TAF1B: variants seen among roughly 807,000 people sequenced by gnomAD.
TAF1B encodes TATA box-binding protein-associated factor RNA polymerase I subunit B.
Under a neutral mutation model 83.9 loss-of-function variants are expected in TAF1B, and 61 were observed. That is an observed-to-expected ratio of 0.73 (90% CI 0.59 to 0.90). The LOEUF is 0.90. Ranked by LOEUF, TAF1B falls within the 40% of genes least tolerant of loss-of-function variation. The pLI, the probability that TAF1B is intolerant of heterozygous loss-of-function variation, is 0.00. For missense variants in TAF1B, 625 were observed against 677.0 expected, an observed-to-expected ratio of 0.92 and a Z score of 0.85; for synonymous variants, 221 against 224.6, an observed-to-expected ratio of 0.98 and a Z score of 0.14.
intron 8 of TAF1B, among the ~76,000 whole-genome samples, chr2:9,885,021 C>T (rs886567387): frequency 2.6e-5 from 4 of 152,302 alleles, no homozygotes; most frequent in East Asian, 3.9e-4. Flanking sequence ...TCTGGCTCAG[C>T]GCTCCAAAAT....
chr2:9,929,279 C>G (rs1666139414), intron 14 of TAF1B, among the ~76,000 whole-genome samples: 1 of 152,148 alleles, frequency 6.6e-6, no homozygotes, highest in Admixed American at 6.5e-5. Context: ...CTACCTCAGC[C>G]TCCTGTGTAG....
chr2:9,873,697 C>T (rs1558243332), intron 6 of TAF1B, among the ~76,000 whole-genome samples: 1 of 147,594 alleles, frequency 6.8e-6, no homozygotes, highest in African/African-American at 2.5e-5. Flanking sequence ...CTCAGGCCAA[C>T]AACCTTATAA....
At chr2:9,917,620 T>G (rs982815511) in intron 12 of TAF1B, among the ~76,000 whole-genome samples, 3 of 152,244 alleles carry the variant, frequency 2.0e-5, no homozygotes, top group Non-Finnish European at 2.9e-5. Flanking sequence ...TAAATTCATT[T>G]CTTTGTTCAT....
intron 8 of TAF1B, among the ~76,000 whole-genome samples, chr2:9,888,795 T>G (rs1417812705): frequency 0.2 from 17,600 of 87,662 alleles, 2,550 homozygotes; most frequent in Non-Finnish European, 0.34. Flanking sequence ...GCTTGGTTTT[T>G]TTTTTTTTTT....
intron 14 of TAF1B, among the ~76,000 whole-genome samples, chr2:9,928,594 C>T (rs1303254463): frequency 6.6e-6 from 1 of 152,124 alleles, no homozygotes; most frequent in Non-Finnish European, 1.5e-5. Context: ...AAGTTGGATT[C>T]CTAGGTATTT....
intron 2 of TAF1B, among the ~76,000 whole-genome samples, chr2:9,848,327 T>C (rs944578134): frequency 1.3e-5 from 2 of 152,182 alleles, no homozygotes; most frequent in African/African-American, 4.8e-5. Flanking sequence ...AAAACAGTAA[T>C]GTCCTCTGTT....
Position 9,919,822 on chromosome 2 carries a change from T to C in TAF1B, c.1565+2T>C, listed in dbSNP as rs778205316. ...TAGTACACAGAAATTCTGCAGATGG[T>C]AATAATGCTTTTAGAAAAAGTCACA... On this transcript the variant is annotated splice_donor_variant, in intron 14 of 14. Transcript: ENST00000263663. LOFTEE classifies it high-confidence loss of function. The C allele has an allele frequency of 6.2e-7, 1 of 1,611,478 alleles. No individual in the cohort carries two copies. The highest frequency in any genetic ancestry group is 1.7e-5 in the Admixed American group (1 of 59,862).
intron 9 of TAF1B, 136 bp from the exon 10 acceptor site, chr2:9,910,600 A>G: frequency 4.8e-6 from 3 of 630,232 alleles, no homozygotes; most frequent in Non-Finnish European, 7.7e-6. Context: ...CCATGTTTTG[A>G]TGTTTTATTC....
intron 6 of TAF1B, among the ~76,000 whole-genome samples, chr2:9,870,868 A>G (rs1403921883): frequency 6.6e-6 from 1 of 152,118 alleles, no homozygotes; most frequent in African/African-American, 2.4e-5. Context: ...TGGAGTTGAT[A>G]ATTGTTATTT....
At chr2:9,924,406 G>A (rs914875881) in intron 14 of TAF1B, among the ~76,000 whole-genome samples, 1 of 152,116 alleles carries the variant, frequency 6.6e-6, no homozygotes, top group Non-Finnish European at 1.5e-5. Flanking sequence ...ACATCTTGAC[G>A]GCAAACATAA....
intron 3 of TAF1B, among the ~76,000 whole-genome samples, chr2:9,851,170 T>G (rs1663376636): frequency 6.6e-6 from 1 of 152,182 alleles, no homozygotes; most frequent in Admixed American, 6.5e-5. Flanking sequence ...TGGGCATTGT[T>G]CGGGAAAATA....
intron 6 of TAF1B, chr2:9,868,738 C>T (rs530572645): frequency 6.9e-4 from 367 of 528,762 alleles, no homozygotes; most frequent in Non-Finnish European, 1.1e-3. Context: ...TCAGCGTCTT[C>T]AAAGAAAAGT....
chr2:9,860,938 G>A (rs1373597903), intron 5 of TAF1B, among the ~76,000 whole-genome samples: 3 of 152,326 alleles, frequency 2.0e-5, no homozygotes, highest in East Asian at 1.9e-4. Context: ...GGGGTCAAGG[G>A]AGAGCTTTTA....
chr2:9,910,710 T>C, intron 9 of TAF1B, 26 bp from the exon 10 acceptor site: 1 of 1,589,820 alleles, frequency 6.3e-7, no homozygotes, highest in Non-Finnish European at 8.6e-7. Flanking sequence ...GGCAAATAAT[T>C]TACATTTTAC....
rs200432491 is a variant in TAF1B at position 9,908,104 on chromosome 2, GGC to G, written c.956-2630_956-2629del. Among the ~76,000 whole-genome samples, 531 of 73,352 alleles carry G rather than the reference GGC, an allele frequency of 7.2e-3. 2 individuals carry two copies. The highest frequency in any genetic ancestry group is 0.018 in the African/African-American group (493 of 27,966). The allele number at this position is 73,352 out of a possible 152,430, so 48.1% of individuals were successfully genotyped here. A position where few individuals can be genotyped will look rare whatever the true frequency, so the allele number is the denominator to read the frequency against. On this transcript the variant is annotated intron_variant, in intron 9 of 14. Transcript: ENST00000263663. ...TCTGTCACCCAGGCTGGAGTGTAAT[GGC>G]GTGATCTCCGCTCACTGCAAGCTCC...
intron 8 of TAF1B, among the ~76,000 whole-genome samples, chr2:9,891,836 C>G (rs1664882427): frequency 6.6e-6 from 1 of 152,014 alleles, no homozygotes; most frequent in South Asian, 2.1e-4. Flanking sequence ...TATAGCTGTA[C>G]AGTATGTGTT....
chr2:9,920,489 T>A (rs959149893), intron 14 of TAF1B, among the ~76,000 whole-genome samples: 31 of 150,724 alleles, frequency 2.1e-4, no homozygotes, highest in Non-Finnish European at 4.4e-4. Flanking sequence ...TTCCTCATGT[T>A]TAGATTCAGG....
intron 6 of TAF1B, among the ~76,000 whole-genome samples, chr2:9,875,588 G>C (rs1664299484): frequency 6.6e-6 from 1 of 152,090 alleles, no homozygotes; most frequent in Non-Finnish European, 1.5e-5. Context: ...AGCGTGTGCA[G>C]GGGAACTACC....
rs57261740 is a variant in TAF1B at position 9,908,028 on chromosome 2, CTTTT to C, written c.956-2676_956-2673del. 1.4e-3 allele frequency among the ~76,000 whole-genome samples: 100 copies of C among 71,762 alleles called. 16 individuals are homozygous for C. The highest frequency in any genetic ancestry group is 7.8e-3 in the Middle Eastern group (1 of 128). The allele number at this position is 71,762 out of a possible 152,430, so 47.1% of individuals were successfully genotyped here. On this transcript the variant is annotated intron_variant, in intron 9 of 14. Transcript: ENST00000263663. The stretch of plus-strand genomic sequence containing the variant: ...AGCGGAGCAGTTCAAGATCTTAATT[CTTTT>C]TTTTTTTTTTTTTTTTTTTTTTTTT...
Sources: allele counts gnomAD v4.1 joint callset (sites outside exome capture counted in the v4.1 genomes callset), GRCh38; gene constraint gnomAD v4.1.1; transcripts MANE v1.5; gene names NCBI Gene and HGNC (gene_info 2026-07-23, HGNC 2026-07-21).